The following SORBS2 variants were observed in gnomAD, a reference collection of about 807,000 sequenced individuals.
SORBS2 encodes the protein sorbin and SH3 domain containing 2, also known as sorbin and SH3 domain-containing protein 2.
In SORBS2, 46 loss-of-function variants were observed where a neutral mutation model predicts 97.7. The ratio of observed to expected loss-of-function variants is 0.47; its 90% CI spans 0.37 to 0.60. The LOEUF (loss-of-function observed/expected upper bound fraction) is 0.60, where lower values mean the gene tolerates loss of function less well. Ranked by LOEUF, SORBS2 falls within the 20% of genes least tolerant of loss-of-function variation. The pLI is 0.00. For missense variants in SORBS2, 1,316 were observed against 1,282.3 expected, an observed-to-expected ratio of 1.03 and a Z score of -0.40; for synonymous variants, 476 against 473.4, an observed-to-expected ratio of 1.01 and a Z score of -0.07.
At chr4:185,740,667 A>G (rs2098717286) in intron 2 of SORBS2, among the ~76,000 whole-genome samples, 1 of 152,040 alleles carries the variant, frequency 6.6e-6, no homozygotes, top group Non-Finnish European at 1.5e-5. Flanking sequence ...TCAGCCCAAC[A>G]CTAACTCAGC....
At chr4:185,651,935 T>C (rs1011276625) in intron 2 of SORBS2, 107 bp from the exon 11 acceptor site, 2 of 691,410 alleles carry the variant, frequency 2.9e-6, no homozygotes, top group Non-Finnish European at 5.2e-6. Flanking sequence ...AAGCAACGTA[T>C]TTTTCCTAGT....
chr4:185,836,348 A>G (rs1327821433), intron 1 of SORBS2, among the ~76,000 whole-genome samples: 4 of 152,232 alleles, frequency 2.6e-5, no homozygotes, highest in Non-Finnish European at 5.9e-5. Flanking sequence ...CTACTCTGCC[A>G]TTGCTCTCAT....
At position 185,927,539 on chromosome 4, in the gene SORBS2, G is replaced by A. The variant is rs938210178; in HGVS notation, c.-338+28657C>T. On this transcript the variant is annotated intron_variant, in intron 1 of 20. Coordinates refer to the SORBS2 transcript ENST00000284776. ...TTATGAGTGAGGACATGTGGTATTT[G>A]GTTTTCTGTTCCTGTGTTAGTTTGC... Among the ~76,000 whole-genome samples the A allele has an allele frequency of 1.6e-4, 24 of 149,396 alleles. No homozygotes were observed. In the Admixed American group the frequency reaches 1.6e-3, roughly 10 times the overall value.
chr4:185,693,787 T>G (rs187259723), intron 2 of SORBS2, among the ~76,000 whole-genome samples: 226 of 152,336 alleles, frequency 1.5e-3, no homozygotes, highest in Non-Finnish European at 2.2e-3. Context: ...GTTAGAGAAC[T>G]AGTTATCAAC....
At chr4:185,858,560 C>T (rs369225721) in intron 1 of SORBS2, among the ~76,000 whole-genome samples, 1 of 152,204 alleles carries the variant, frequency 6.6e-6, no homozygotes, top group African/African-American at 2.4e-5. Flanking sequence ...TGCCACATTT[C>T]CTTTCCACCA....
chr4:185,650,835 G>A (rs1023621237), intron 2 of SORBS2, among the ~76,000 whole-genome samples: 17 of 152,146 alleles, frequency 1.1e-4, no homozygotes, highest in African/African-American at 3.9e-4. Context: ...TCAGTGGGGC[G>A]AGCCAAGACT....
chr4:185,664,279 T>C (rs990124286), intron 4 of SORBS2, among the ~76,000 whole-genome samples: 2 of 152,242 alleles, frequency 1.3e-5, no homozygotes, highest in Non-Finnish European at 2.9e-5. Context: ...TCATGAATAA[T>C]CTATTTGCAA....
intron 5 of SORBS2, among the ~76,000 whole-genome samples, chr4:185,629,968 C>T (rs1030406799): frequency 6.6e-6 from 1 of 152,100 alleles, no homozygotes; most frequent in African/African-American, 2.4e-5. Flanking sequence ...TATCTTGCCT[C>T]AATTTCTTTT....
intron 2 of SORBS2, among the ~76,000 whole-genome samples, chr4:185,679,505 T>C (rs1210063976): frequency 6.6e-6 from 1 of 152,244 alleles, no homozygotes; most frequent in Non-Finnish European, 1.5e-5. Context: ...ATATTTGTTA[T>C]CAATTTTATT....
chr4:185,768,244 C>G (rs1351568946), intron 2 of SORBS2, among the ~76,000 whole-genome samples: 2 of 152,156 alleles, frequency 1.3e-5, no homozygotes, highest in Non-Finnish European at 2.9e-5. Flanking sequence ...GTAACAGAAT[C>G]CCATGTTCAT....
At chr4:185,908,362 C>CACACAAAT (rs2099252844) in intron 1 of SORBS2, among the ~76,000 whole-genome samples, 4 of 91,092 alleles carry the variant, frequency 4.4e-5, no homozygotes, top group African/African-American at 8.4e-5. Context: ...CATATATATA[C>CACACAAAT]ATGTATATAT....
chr4:185,601,974 C>T (rs969469819), intron 12 of SORBS2, among the ~76,000 whole-genome samples: 1 of 152,162 alleles, frequency 6.6e-6, no homozygotes, highest in African/African-American at 2.4e-5. Context: ...AATAGTCTCT[C>T]GGATGGAAAT....
chr4:185,729,890 G>A, intron 2 of SORBS2, among the ~76,000 whole-genome samples: 1 of 152,120 alleles, frequency 6.6e-6, no homozygotes, highest in East Asian at 1.9e-4. Flanking sequence ...TCTGTCATTG[G>A]GGTGTATTGT....
At chr4:185,673,526 A>C (rs2097751387) in intron 4 of SORBS2, among the ~76,000 whole-genome samples, 3 of 152,214 alleles carry the variant, frequency 2.0e-5, no homozygotes, top group Non-Finnish European at 1.5e-5. Context: ...ATTTGGAAAA[A>C]TATTATTTAA....
At chr4:185,681,710 A>G (rs1381075010) in intron 2 of SORBS2, among the ~76,000 whole-genome samples, 2 of 152,156 alleles carry the variant, frequency 1.3e-5, no homozygotes, top group African/African-American at 2.4e-5. Context: ...CCTTGTGTCG[A>G]GGCACAAACT....
chr4:185,939,727 C>G (rs1306211402), intron 1 of SORBS2, among the ~76,000 whole-genome samples: 1 of 152,146 alleles, frequency 6.6e-6, no homozygotes, highest in Non-Finnish European at 1.5e-5. Flanking sequence ...TCAGGCTGGT[C>G]TCGAACTCCC....
chr4:185,922,571 G>C (rs2099261408), intron 1 of SORBS2, among the ~76,000 whole-genome samples: 1 of 152,138 alleles, frequency 6.6e-6, no homozygotes, highest in Non-Finnish European at 1.5e-5. Flanking sequence ...TTTTTATTGA[G>C]AGTGATATGA....
At chr4:185,785,372 A>T (rs1436252539) in intron 1 of SORBS2, among the ~76,000 whole-genome samples, 1 of 152,220 alleles carries the variant, frequency 6.6e-6, no homozygotes, top group Non-Finnish European at 1.5e-5. Context: ...CAACATGAAA[A>T]TTGTTCTAAG....
intron 11 of SORBS2, chr4:185,614,619 A>G (rs2096600081): frequency 1.9e-6 from 1 of 532,326 alleles, no homozygotes; most frequent in Non-Finnish European, 3.2e-6. Context: ...GAAGCCTGGT[A>G]TCCCACGGGG....
Sources: allele counts gnomAD v4.1 joint callset (sites outside exome capture counted in the v4.1 genomes callset), GRCh38; gene constraint gnomAD v4.1.1; transcripts MANE v1.5; gene names NCBI Gene and HGNC (gene_info 2026-07-23, HGNC 2026-07-21).